The following NGF variants were observed in gnomAD, a reference collection of about 807,000 sequenced individuals.
NGF encodes the protein beta-nerve growth factor.
Under a neutral mutation model 12.8 loss-of-function variants are expected in NGF, and 4 were observed. That is an observed-to-expected ratio of 0.31 (90% CI 0.15 to 0.72). The LOEUF (loss-of-function observed/expected upper bound fraction) is 0.72. Ranked by LOEUF, NGF falls within the 30% of genes least tolerant of loss-of-function variation. NGF has a pLI of 0.69. For synonymous variants in NGF, 140 were observed against 130.0 expected (o/e 1.08, Z -0.52); for missense variants, 283 against 330.8 (o/e 0.86, Z 1.12).
At chr1:115,328,282 G>T (rs1035458912) in intron 1 of NGF, among the ~76,000 whole-genome samples, 1 of 152,166 alleles carries the variant, frequency 6.6e-6, no homozygotes, top group Non-Finnish European at 1.5e-5. Flanking sequence ...GTCCTCAGAG[G>T]CTACATTAGC....
chr1:115,295,297 C>T (rs1327765403), intron 1 of NGF, among the ~76,000 whole-genome samples: 1 of 152,170 alleles, frequency 6.6e-6, no homozygotes, highest in Non-Finnish European at 1.5e-5. Context: ...CCTTTCCCAT[C>T]CTGCTCAAAA....
At chr1:115,312,403 T>C (rs1409963033) in intron 1 of NGF, among the ~76,000 whole-genome samples, 2 of 151,964 alleles carry the variant, frequency 1.3e-5, no homozygotes, top group African/African-American at 4.8e-5. Flanking sequence ...ACTAGACAAG[T>C]ATAAGGCATG....
intron 1 of NGF, among the ~76,000 whole-genome samples, chr1:115,310,971 A>G (rs960981294): frequency 6.6e-6 from 1 of 152,148 alleles, no homozygotes; most frequent in Non-Finnish European, 1.5e-5. Flanking sequence ...GCATTATACT[A>G]GAAGCTTTTC....
chr1:115,304,329 A>ATTTTTTTTTTTTTTTTTTTTTTTTTTT lies in NGF; in HGVS notation c.-136-10580_-136-10579insAAAAAAAAAAAAAAAAAAAAAAAAAAA, dbSNP rs58345237. Among the ~76,000 whole-genome samples, 85 of 80,814 alleles carry ATTTTTTTTTTTTTTTTTTTTTTTTTTT rather than the reference A, an allele frequency of 1.1e-3. 11 individuals are homozygous for ATTTTTTTTTTTTTTTTTTTTTTTTTTT. Among genetic ancestry groups the ATTTTTTTTTTTTTTTTTTTTTTTTTTT allele is most frequent in the Middle Eastern group, 6.8e-3 (1 of 146 alleles). 53.0% of individuals were successfully genotyped at this position (80,814 alleles called of 152,430 possible). On this transcript the variant is annotated intron_variant, in intron 1 of 2. Transcript: ENST00000369512. ...AGGAGCGCACCACCATGCTTGGCTA[A>ATTTTTTTTTTTTTTTTTTTTTTTTTTT]TTTTTTTTTTTTTTTTGTATTTTTA... is the stretch of plus-strand genomic sequence containing the variant.
At chr1:115,334,535 ATGGT>A in intron 1 of NGF, among the ~76,000 whole-genome samples, 1 of 152,150 alleles carries the variant, frequency 6.6e-6, no homozygotes, top group African/African-American at 2.4e-5. Context: ...GTCCCTGCCG[ATGGT>A]GGCCTAGAGT....
intron 1 of NGF, among the ~76,000 whole-genome samples, chr1:115,318,229 G>C (rs1654522555): frequency 6.6e-6 from 1 of 152,170 alleles, no homozygotes; most frequent in East Asian, 1.9e-4. Context: ...TTGGTGAGCT[G>C]AGCCCCTGCT....
chr1:115,304,267 A>T (rs1654132491), intron 1 of NGF, among the ~76,000 whole-genome samples: 1 of 150,730 alleles, frequency 6.6e-6, no homozygotes, highest in Non-Finnish European at 1.5e-5. Context: ...GGTTCAAGCA[A>T]TTCTCCTGCC....
chr1:115,303,226 T>A (rs964092678), intron 1 of NGF, among the ~76,000 whole-genome samples: 1 of 152,132 alleles, frequency 6.6e-6, no homozygotes, highest in African/African-American at 2.4e-5. Context: ...CAGAGACCAG[T>A]ACCAATGCTC....
Position 115,286,663 on chromosome 1 carries a change from C to T in NGF, c.133G>A (p.Asp45Asn), listed in dbSNP as rs1553234811. 6.2e-7 allele frequency: 1 copy of T among 1,614,226 alleles called. No individual in the cohort carries two copies. The highest frequency in any genetic ancestry group is 8.5e-7 in the Non-Finnish European group (1 of 1,180,044). Residue 45 changes from aspartate to asparagine, a missense_variant, in exon 3 of 3, where the codon GAC becomes AAC. This residue lies in a region of NGF where 151 missense variants were observed against 141.6 expected (regional missense o/e 1.07). Transcript: ENST00000369512. The stretch of plus-strand genomic sequence containing the variant: ...CTGCGGGCTCTGCGAAGGGCAGTGT[C>T]AAGGGAATGCTGAAGTTTAGTCCAG... Reference protein sequence around the residue: ...AHWTKLQHSLDTALRRARSAP... With the variant: ...AHWTKLQHSLNTALRRARSAP...
At chr1:115,336,556 T>C (rs544913811) in intron 1 of NGF, among the ~76,000 whole-genome samples, 4 of 152,328 alleles carry the variant, frequency 2.6e-5, no homozygotes, top group Admixed American at 1.3e-4. Context: ...AATTGACATT[T>C]GGGTTGCTCA....
chr1:115,322,715 A>G (rs1654664845), intron 1 of NGF, among the ~76,000 whole-genome samples: 2 of 152,204 alleles, frequency 1.3e-5, no homozygotes, highest in South Asian at 4.1e-4. Flanking sequence ...ATATTTAATA[A>G]TTATAGCAAC....
At chr1:115,303,990 G>A (rs1262938611) in intron 1 of NGF, among the ~76,000 whole-genome samples, 1 of 152,074 alleles carries the variant, frequency 6.6e-6, no homozygotes, top group Non-Finnish European at 1.5e-5. Context: ...TCATTCTGGG[G>A]CTGTTTTTTT....
chr1:115,329,383 C>A (rs1417349601), intron 1 of NGF, among the ~76,000 whole-genome samples: 4 of 152,144 alleles, frequency 2.6e-5, no homozygotes, highest in Non-Finnish European at 4.4e-5. Flanking sequence ...CAAAAGTTAC[C>A]CAAGATCACA....
chr1:115,303,148 A>T (rs1250008699), intron 1 of NGF, among the ~76,000 whole-genome samples: 1 of 152,210 alleles, frequency 6.6e-6, no homozygotes, highest in East Asian at 1.9e-4. Context: ...CTGCCTGAGC[A>T]TGTATGTTTT....
At chr1:115,325,183 T>G (rs894877236) in intron 1 of NGF, among the ~76,000 whole-genome samples, 2 of 151,900 alleles carry the variant, frequency 1.3e-5, no homozygotes, top group African/African-American at 4.8e-5. Context: ...AAACAGTGAG[T>G]GCGAAGGCCC....
At chr1:115,287,724 T>C (rs1295317592) in intron 2 of NGF, among the ~76,000 whole-genome samples, 1 of 152,150 alleles carries the variant, frequency 6.6e-6, no homozygotes, top group Non-Finnish European at 1.5e-5. Flanking sequence ...TCTCCCTCCC[T>C]TTCTCTTTCA....
At chr1:115,312,142 A>C (rs1233393215) in intron 1 of NGF, among the ~76,000 whole-genome samples, 2 of 152,218 alleles carry the variant, frequency 1.3e-5, no homozygotes, top group African/African-American at 4.8e-5. Context: ...GGCAGCATGC[A>C]TTAATTTTGT....
intron 2 of NGF, among the ~76,000 whole-genome samples, chr1:115,290,706 T>C (rs908271933): frequency 1.3e-5 from 2 of 152,180 alleles, no homozygotes; most frequent in Non-Finnish European, 2.9e-5. Flanking sequence ...CTCTATCTCT[T>C]AAAGCCTTCC....
chr1:115,295,740 C>T lies in NGF; in HGVS notation c.-136-1990G>A, dbSNP rs1271560514. Among the ~76,000 whole-genome samples, 5 of 152,238 alleles carry T rather than the reference C, an allele frequency of 3.3e-5. No homozygotes were observed. In the East Asian group the frequency reaches 9.7e-4, roughly 29 times the overall value. On this transcript the variant is annotated intron_variant, in intron 1 of 2. Coordinates refer to ENST00000369512, the MANE Select transcript of NGF (RefSeq NM_002506.3). ...TAAGGTCCCCTTTGGCTCTGATCAT[C>T]TGAGATTCCGTGACTTTGAATGTTT...
Sources: allele counts gnomAD v4.1 joint callset (sites outside exome capture counted in the v4.1 genomes callset), GRCh38; gene constraint gnomAD v4.1.1; regional missense constraint gnomAD v4.1.1; transcripts MANE v1.5; gene names NCBI Gene and HGNC (gene_info 2026-07-23, HGNC 2026-07-21).